The following SEC24B variants were observed in gnomAD, a reference collection of about 807,000 sequenced individuals.
SEC24B encodes protein transport protein Sec24B.
In SEC24B, 45 loss-of-function variants were observed where a neutral mutation model predicts 142.8. The ratio of observed to expected loss-of-function variants is 0.32; its 90% CI spans 0.25 to 0.40. The LOEUF (loss-of-function observed/expected upper bound fraction) is 0.40, where lower values mean the gene tolerates loss of function less well. SEC24B is among the 10% of genes least tolerant of loss of function. The probability of loss-of-function intolerance (pLI) is 1.00; values close to 1 mark genes in which losing one functional copy is unlikely to be tolerated. For synonymous variants in SEC24B, 574 were observed against 568.2 expected (o/e 1.01, Z -0.15); for missense variants, 1,409 against 1,526.8 (o/e 0.92, Z 1.29).
intron 2 of SEC24B, among the ~76,000 whole-genome samples, chr4:109,466,115 T>C (rs1036998016): frequency 6.6e-6 from 1 of 152,220 alleles, no homozygotes; most frequent in Non-Finnish European, 1.5e-5. Context: ...GTTCCCAAAC[T>C]TTCTCAGTTG....
At chr4:109,522,685 A>C (rs774732591) in intron 14 of SEC24B, among the ~76,000 whole-genome samples, 1 of 152,244 alleles carries the variant, frequency 6.6e-6, no homozygotes, top group African/African-American at 2.4e-5. Flanking sequence ...TAAATCACCA[A>C]TAATCTAACG....
chr4:109,481,114 C>T (rs925791032), intron 3 of SEC24B, among the ~76,000 whole-genome samples: 2 of 152,088 alleles, frequency 1.3e-5, no homozygotes, highest in East Asian at 1.9e-4. Context: ...CCCAGCCCCC[C>T]GTCCCCCACT....
At chr4:109,482,551 A>G (rs780397788) in intron 4 of SEC24B, among the ~76,000 whole-genome samples, 1 of 152,178 alleles carries the variant, frequency 6.6e-6, no homozygotes, top group Non-Finnish European at 1.5e-5. Flanking sequence ...ATGGGACTCA[A>G]GTCTAAATAC....
intron 2 of SEC24B, among the ~76,000 whole-genome samples, chr4:109,469,052 G>A (rs1732254769): frequency 6.6e-6 from 1 of 152,132 alleles, no homozygotes; most frequent in Non-Finnish European, 1.5e-5. Flanking sequence ...AGCGCTTTGG[G>A]AGGCTGAGGC....
intron 14 of SEC24B, 145 bp from the exon 15 acceptor site, chr4:109,524,670 TATC>T (rs141812462): frequency 0.098 from 53,806 of 547,710 alleles, 2,960 homozygotes; most frequent in Middle Eastern, 0.15. Flanking sequence ...TCATTATTAT[TATC>T]ATAGGGAATC....
At chr4:109,490,374 C>A (rs778904278) in intron 4 of SEC24B, among the ~76,000 whole-genome samples, 14 of 151,982 alleles carry the variant, frequency 9.2e-5, no homozygotes, top group Non-Finnish European at 1.0e-4. Context: ...TGTTCCTTCC[C>A]TATTACAATT....
chr4:109,465,781 A>T (rs1731792931), intron 2 of SEC24B, among the ~76,000 whole-genome samples: 1 of 152,178 alleles, frequency 6.6e-6, no homozygotes, highest in African/African-American at 2.4e-5. Context: ...AGAAAAGATT[A>T]AATAAAGGGG....
rs771400556 is a variant in SEC24B, at chr4:109,491,332, G to A, written c.1171G>A (p.Asp391Asn). 5.0e-6 allele frequency: 8 copies of A among 1,610,928 alleles called. No homozygotes were observed. The East Asian group carries it at 1.8e-4, about 36-fold the overall frequency. ...TATTTTGGTTTTCCTTTTAGGTGTTGACAGCTCTTCTACCACAAGCAGTGC... is the reference window on the plus strand; with the variant it reads ...TATTTTGGTTTTCCTTTTAGGTGTTAACAGCTCTTCTACCACAAGCAGTGC... ...EEEEDEEAGV[D>N]SSSTTSSASP... The change falls in exon 5 of 24, where the codon GAC becomes AAC. Residue 391 changes from aspartate to asparagine, a missense_variant. By Grantham distance (23) the Asp-to-Asn change is conservative. Around this residue, in one of 2 missense-constraint regions of SEC24B, gnomAD observed 709 missense variants for 673.5 expected, o/e 1.05. Transcript: ENST00000265175.
intron 1 of SEC24B, among the ~76,000 whole-genome samples, chr4:109,457,388 C>T (rs1390074556): frequency 2.0e-5 from 3 of 152,206 alleles, no homozygotes; most frequent in Admixed American, 1.3e-4. Context: ...TTACTTCTCA[C>T]AATTCTGGAG....
intron 1 of SEC24B, among the ~76,000 whole-genome samples, chr4:109,457,037 A>G (rs1730759776): frequency 6.6e-6 from 1 of 152,194 alleles, no homozygotes; most frequent in African/African-American, 2.4e-5. Context: ...TTGCTTTTGT[A>G]TCATTAGTAT....
At position 109,433,823 on chromosome 4, in the gene SEC24B, T is replaced by C; in HGVS notation, c.-47T>C. ...CTCTCCGGCCCCGCCTTCCCTTCCC[T>C]CCGCCCACCTCCCTGAAGCGGAGCC... On this transcript the variant is annotated 5_prime_UTR_variant, in exon 1 of 24. Transcript: ENST00000265175. The C allele has an allele frequency of 8.1e-7, 1 of 1,232,054 alleles. No individual in the cohort carries two copies. The highest frequency in any genetic ancestry group is 1.0e-6 in the Non-Finnish European group (1 of 984,562). 76.3% of individuals were successfully genotyped at this position (1,232,054 alleles called of 1,614,324 possible).
intron 4 of SEC24B, among the ~76,000 whole-genome samples, chr4:109,490,887 A>T (rs1356531018): frequency 6.6e-6 from 1 of 152,154 alleles, no homozygotes; most frequent in Non-Finnish European, 1.5e-5. Context: ...TGAATGTCTC[A>T]GTGTGCTATG....
At chr4:109,531,932 T>C (rs1203737171) in intron 20 of SEC24B, among the ~76,000 whole-genome samples, 1 of 151,894 alleles carries the variant, frequency 6.6e-6, no homozygotes, top group African/African-American at 2.4e-5. Flanking sequence ...TGATCTCGGC[T>C]CACTGCAGCT....
At chr4:109,517,502 A>G (rs538849113) in intron 11 of SEC24B, among the ~76,000 whole-genome samples, 1 of 152,286 alleles carries the variant, frequency 6.6e-6, no homozygotes, top group East Asian at 1.9e-4. Context: ...GATAGGAGGA[A>G]TAAGTTCAAG....
intron 11 of SEC24B, among the ~76,000 whole-genome samples, chr4:109,518,517 G>C (rs1723225267): frequency 6.6e-6 from 1 of 152,166 alleles, no homozygotes; most frequent in African/African-American, 2.4e-5. Context: ...TCCTTGCCCT[G>C]TTGAATGCTA....
At chr4:109,467,715 T>C (rs1732100400) in intron 2 of SEC24B, among the ~76,000 whole-genome samples, 1 of 152,220 alleles carries the variant, frequency 6.6e-6, no homozygotes. Flanking sequence ...ATAAGTCTTG[T>C]TGCCAAGATG....
chr4:109,517,651 A>T (rs1030614348), intron 11 of SEC24B, among the ~76,000 whole-genome samples: 8 of 152,230 alleles, frequency 5.3e-5, no homozygotes, highest in Non-Finnish European at 7.3e-5. Flanking sequence ...CATTAGCTAG[A>T]TTTAGCCATT....
chr4:109,486,890 C>T (rs1034904156), intron 4 of SEC24B, among the ~76,000 whole-genome samples: 2 of 152,088 alleles, frequency 1.3e-5, no homozygotes, highest in Non-Finnish European at 2.9e-5. Flanking sequence ...TGTAAGCAGG[C>T]GCGGTGGCTC....
chr4:109,514,476 A>G (rs1267390081), intron 10 of SEC24B, among the ~76,000 whole-genome samples: 1 of 152,128 alleles, frequency 6.6e-6, no homozygotes, highest in Non-Finnish European at 1.5e-5. Flanking sequence ...AGGTGGGTGG[A>G]TCACCTGAGG....
Sources: gnomAD v4.1 joint callset for allele counts (sites outside exome capture counted in the v4.1 genomes callset) on GRCh38, gnomAD v4.1.1 for gene constraint, gnomAD v4.1.1 regional missense constraint, MANE v1.5 for transcripts, NCBI Gene and HGNC (gene_info 2026-07-23, HGNC 2026-07-21) for gene names.